Variants in CYFIP2 observed in about 807,000 individuals in gnomAD.
CYFIP2 encodes the protein cytoplasmic FMR1-interacting protein 2.
A neutral mutation model predicts 158.7 loss-of-function variants in CYFIP2; 29 were observed. The observed-to-expected ratio is 0.18, with a 90% confidence interval of 0.14 to 0.25. CYFIP2 has a LOEUF of 0.25. Among genes scored for constraint, CYFIP2 ranks in the 10% least tolerant of loss-of-function variants. The pLI, the probability that CYFIP2 is intolerant of heterozygous loss-of-function variation, is 1.00. For missense variants in CYFIP2, 852 were observed against 1,639.5 expected, an observed-to-expected ratio of 0.52 and a Z score of 8.29; for synonymous variants, 585 against 617.6, an observed-to-expected ratio of 0.95 and a Z score of 0.78.
At chr5:157,354,555 G>A (rs1166183521) in intron 23 of CYFIP2, among the ~76,000 whole-genome samples, 1 of 151,966 alleles carries the variant, frequency 6.6e-6, no homozygotes, top group Non-Finnish European at 1.5e-5. Flanking sequence ...TGCATGCGTG[G>A]GGTATATTTG....
chr5:157,341,103 A>G lies in CYFIP2; in HGVS notation c.2619A>G (p.Glu873=). The part of the protein sequence containing the change: ...FVRTAIPFTQ[E]PQRDKPANVQ... ...GGACTGCCATTCCTTTCACCCAAGA[A>G]CCACAACGAGACAAACCTGCCAACG... The change falls in exon 23 of 31, where the codon GAA becomes GAG. Residue 873 remains glutamate (E), a synonymous_variant. Coordinates refer to ENST00000620254, the MANE Select transcript of CYFIP2 (RefSeq NM_001037333.3). 6.2e-7 allele frequency: 1 copy of G among 1,613,960 alleles called. No individual in the cohort carries two copies. The highest frequency in any genetic ancestry group is 8.5e-7 in the Non-Finnish European group (1 of 1,179,862).
At chr5:157,390,406 G>T in intron 29 of CYFIP2, 115 bp from the exon 30 acceptor site, 2 of 971,352 alleles carry the variant, frequency 2.1e-6, no homozygotes, top group Non-Finnish European at 3.0e-6. Flanking sequence ...TAAGAGACTT[G>T]GCCCAAAGAC....
intron 23 of CYFIP2, chr5:157,343,500 C>A: frequency 6.3e-7 from 1 of 1,591,400 alleles, no homozygotes. Flanking sequence ...GAGATGATGG[C>A]TCCTGTATAA....
At chr5:157,301,832 C>G (rs1177257696) in intron 6 of CYFIP2, among the ~76,000 whole-genome samples, 1 of 152,016 alleles carries the variant, frequency 6.6e-6, no homozygotes, top group East Asian at 1.9e-4. Context: ...CAGTATACAG[C>G]CACCCAGAAG....
At chr5:157,310,360 C>G (rs1052723145) in intron 10 of CYFIP2, among the ~76,000 whole-genome samples, 2 of 152,174 alleles carry the variant, frequency 1.3e-5, no homozygotes, top group Non-Finnish European at 2.9e-5. Context: ...CTCTTTTGGT[C>G]TCTGAGGCTG....
chr5:157,364,825 A>G (rs1764215784), intron 26 of CYFIP2: 1 of 152,028 alleles, frequency 6.6e-6, no homozygotes, highest in Non-Finnish European at 1.5e-5. Flanking sequence ...AAGACTACTA[A>G]TTGCCAAAAA....
chr5:157,333,179 G>A (rs2113192675), intron 20 of CYFIP2, 148 bp from the exon 21 acceptor site: 1 of 938,370 alleles, frequency 1.1e-6, no homozygotes, highest in East Asian at 2.5e-5. Flanking sequence ...TCAATGGACA[G>A]GCTGGTTGGA....
At chr5:157,365,994 T>C (rs558065963) in intron 26 of CYFIP2, among the ~76,000 whole-genome samples, 60 of 152,252 alleles carry the variant, frequency 3.9e-4, no homozygotes, top group African/African-American at 1.4e-3. Context: ...TTTTGGTGTA[T>C]AGATGCTCCT....
chr5:157,317,237 A>G (rs2113083691), intron 13 of CYFIP2, among the ~76,000 whole-genome samples: 1 of 152,254 alleles, frequency 6.6e-6, no homozygotes, highest in South Asian at 2.1e-4. Flanking sequence ...TTTGCTATAC[A>G]TTGGGAGGTT....
intron 1 of CYFIP2, among the ~76,000 whole-genome samples, chr5:157,272,687 C>T (rs745746721): frequency 4.6e-5 from 7 of 152,102 alleles, no homozygotes; most frequent in Admixed American, 1.3e-4. Context: ...CCCCTGCCCC[C>T]GTCTCTCAAG....
At chr5:157,327,230 G>A (rs1761094686) in intron 18 of CYFIP2, among the ~76,000 whole-genome samples, 2 of 152,186 alleles carry the variant, frequency 1.3e-5, no homozygotes, top group Admixed American at 1.3e-4. Context: ...TGTAAGCAAA[G>A]TTTGAAGGAA....
intron 23 of CYFIP2, among the ~76,000 whole-genome samples, chr5:157,350,919 A>G (rs993270775): frequency 2.0e-5 from 3 of 152,078 alleles, no homozygotes; most frequent in Admixed American, 2.0e-4. Context: ...TCTTGATTTG[A>G]TTCTCAGCTT....
chr5:157,322,683 G>A (rs1267380304), intron 15 of CYFIP2, among the ~76,000 whole-genome samples: 2 of 152,212 alleles, frequency 1.3e-5, no homozygotes, highest in Non-Finnish European at 2.9e-5. Flanking sequence ...TGGGTCACAC[G>A]TTTCTGTGGC....
At chr5:157,325,911 A>G in intron 17 of CYFIP2, 1 of 541,332 alleles carries the variant, frequency 1.8e-6, no homozygotes, top group East Asian at 3.0e-5. Context: ...GGTAGCTTGT[A>G]TTCTTAACTG....
intron 1 of CYFIP2, among the ~76,000 whole-genome samples, chr5:157,278,643 A>G (rs900016043): frequency 1.3e-5 from 2 of 152,250 alleles, no homozygotes; most frequent in Admixed American, 1.3e-4. Context: ...AATGTGAAAG[A>G]TCTATAGAAC....
rs748234724 is a variant in CYFIP2, at chr5:157,311,823, G to A, written c.1110+42G>A. 49 of 1,518,458 alleles carry A rather than the reference G, an allele frequency of 3.2e-5. No homozygotes were observed. Among genetic ancestry groups the A allele is most frequent in the South Asian group, 3.0e-4 (25 of 83,596 alleles). The allele number at this position is 1,518,458 out of a possible 1,614,324, so 94.1% of individuals were successfully genotyped here. A position where few individuals can be genotyped will look rare whatever the true frequency, so the allele number is the denominator to read the frequency against. Reference sequence around the variant, plus strand: ...CTGGGGCACAGGCCCGTGGGCCCAGGGCCAGAAGGGGTAAGGAGCAGCCAG... The same window carrying A: ...CTGGGGCACAGGCCCGTGGGCCCAGAGCCAGAAGGGGTAAGGAGCAGCCAG... On this transcript the variant is annotated intron_variant, in intron 11 of 30. Transcript: ENST00000620254. This position sits in a 1 kb window ranked among gnomAD's most constrained non-coding sequence, Gnocchi z 4.7.
At chr5:157,272,195 T>A (rs549861264) in intron 1 of CYFIP2, among the ~76,000 whole-genome samples, 67 of 152,254 alleles carry the variant, frequency 4.4e-4, no homozygotes, top group African/African-American at 1.5e-3. Flanking sequence ...GGATAGGCCT[T>A]CTCCAGTGGC....
chr5:157,389,607 T>A, intron 29 of CYFIP2, 180 bp downstream of exon 29: 1 of 594,542 alleles, frequency 1.7e-6, no homozygotes, highest in Admixed American at 3.1e-5. Flanking sequence ...AAGGGTTTGA[T>A]AGTAAGACCC....
chr5:157,312,010 C>A (rs942930266), intron 11 of CYFIP2, among the ~76,000 whole-genome samples: 1 of 152,312 alleles, frequency 6.6e-6, no homozygotes, highest in Middle Eastern at 3.4e-3. Context: ...TCAATTTCCT[C>A]ATCTGTGAAA....
Sources: allele counts gnomAD v4.1 joint callset (sites outside exome capture counted in the v4.1 genomes callset), GRCh38; gene constraint gnomAD v4.1.1; non-coding constraint Gnocchi (gnomAD v3.1); transcripts MANE v1.5; gene names NCBI Gene and HGNC (gene_info 2026-07-23, HGNC 2026-07-21).